The following TMEM167A variants were observed in gnomAD, a reference collection of about 807,000 sequenced individuals.
TMEM167A encodes protein kish-A.
TMEM167A carries 8 observed loss-of-function variants against 11.6 expected under a neutral mutation model. That is an observed-to-expected ratio of 0.69 (90% CI 0.40 to 1.24). TMEM167A has a LOEUF of 1.24. Ranked by LOEUF, TMEM167A falls within the 50% of genes most tolerant of loss-of-function variation. The pLI, the probability that TMEM167A is intolerant of heterozygous loss-of-function variation, is 0.01. For synonymous variants in TMEM167A, 22 were observed against 28.0 expected (o/e 0.79, Z 0.67); for missense variants, 62 against 87.0 (o/e 0.71, Z 1.14).
chr5:83,062,558 T>C (rs760978045), intron 2 of TMEM167A, among the ~76,000 whole-genome samples: 7 of 152,092 alleles, frequency 4.6e-5, no homozygotes, highest in Non-Finnish European at 1.0e-4. Context: ...AATGGAGATA[T>C]ATATTTCAAC....
rs1296242654 is a variant in TMEM167A at position 83,055,954 on chromosome 5, G to T, written c.*1130C>A. The T allele has an allele frequency of 6.6e-6, 1 of 151,834 alleles. No individual in the cohort carries two copies. The highest frequency in any genetic ancestry group is 1.5e-5 in the Non-Finnish European group (1 of 67,892). The allele number at this position is 151,834 out of a possible 1,614,324, so 9.4% of individuals were successfully genotyped here. A position where few individuals can be genotyped will look rare whatever the true frequency, so the allele number is the denominator to read the frequency against. On this transcript the variant is annotated 3_prime_UTR_variant, in exon 4 of 4. Coordinates refer to ENST00000502346, the MANE Select transcript of TMEM167A (RefSeq NM_174909.5). ...GCTCTGAAATTTTAACTGAATTTTA[G>T]TTGAACCTTAAGAAATGTTAACCAT...
intron 1 of TMEM167A, among the ~76,000 whole-genome samples, chr5:83,068,093 A>C (rs1041084937): frequency 5.3e-5 from 8 of 151,968 alleles, no homozygotes; most frequent in African/African-American, 1.9e-4. Flanking sequence ...GGTATCTCAC[A>C]ATGCTTATCT....
chr5:83,057,856 G>C (rs1221094202), intron 3 of TMEM167A, among the ~76,000 whole-genome samples: 1 of 152,012 alleles, frequency 6.6e-6, no homozygotes, highest in African/African-American at 2.4e-5. Context: ...AAACTGGCTT[G>C]TGAATTGTCT....
At chr5:83,061,939 T>A in intron 2 of TMEM167A, 28 bp from the exon 3 acceptor site, 1 of 1,581,914 alleles carries the variant, frequency 6.3e-7, no homozygotes, top group Non-Finnish European at 8.7e-7. Context: ...AGAAAAAAAG[T>A]AGCTATTGAT....
intron 1 of TMEM167A, among the ~76,000 whole-genome samples, 166 bp downstream of exon 1, chr5:83,077,155 C>G (rs1036849144): frequency 6.6e-6 from 1 of 152,218 alleles, no homozygotes; most frequent in East Asian, 1.9e-4. Flanking sequence ...CTTCCTCGGA[C>G]AGTCCGTCCT....
At position 83,074,237 on chromosome 5, in the gene TMEM167A, C is replaced by A. The variant is rs1026540506; in HGVS notation, c.3+3084G>T. Among the ~76,000 whole-genome samples the A allele has an allele frequency of 7.9e-5, 12 of 152,294 alleles. No homozygotes were observed. In the Middle Eastern group the frequency reaches 0.01, roughly 130 times the overall value. Reference sequence around the variant, plus strand: ...CTCCATGCAACTATTGAACTTCATGCCTTTTGTTCCCATAACTGCCATTTC... The same window carrying A: ...CTCCATGCAACTATTGAACTTCATGACTTTTGTTCCCATAACTGCCATTTC... On this transcript the variant is annotated intron_variant, in intron 1 of 3. Coordinates refer to ENST00000502346, the MANE Select transcript of TMEM167A (RefSeq NM_174909.5).
At chr5:83,057,252 C>A in intron 3 of TMEM167A, 98 bp from the exon 4 acceptor site, 1 of 1,161,348 alleles carries the variant, frequency 8.6e-7, no homozygotes, top group Non-Finnish European at 1.3e-6. Flanking sequence ...ACATTCTTCC[C>A]TAGGAGGCCC....
chr5:83,055,271 C>T lies in TMEM167A; in HGVS notation c.*1813G>A, dbSNP rs990767368. The T allele has an allele frequency of 2.0e-5, 3 of 151,998 alleles. No individual in the cohort carries two copies. Among genetic ancestry groups the T allele is most frequent in the Non-Finnish European group, 4.4e-5 (3 of 67,938 alleles). The allele number at this position is 151,998 out of a possible 1,614,324, so 9.4% of individuals were successfully genotyped here. On this transcript the variant is annotated 3_prime_UTR_variant, in exon 4 of 4. Coordinates refer to ENST00000502346, the MANE Select transcript of TMEM167A (RefSeq NM_174909.5). ...TTAGAATATCTAGAATATTCTTCCT[C>T]TTTTCATATTCGATTTGTCTTAGCA...
At chr5:83,077,078 A>AT (rs919669248) in intron 1 of TMEM167A, among the ~76,000 whole-genome samples, 25 of 151,598 alleles carry the variant, frequency 1.6e-4, no homozygotes, top group Admixed American at 7.9e-4. Context: ...ACACCAACGC[A>AT]TTTTTTTTTC....
chr5:83,076,422 C>G (rs1021657749), intron 1 of TMEM167A, among the ~76,000 whole-genome samples: 3 of 152,192 alleles, frequency 2.0e-5, no homozygotes, highest in African/African-American at 4.8e-5. Flanking sequence ...ACTTGCACTA[C>G]GAGTAGAAGA....
intron 1 of TMEM167A, 91 bp from the exon 2 acceptor site, chr5:83,065,208 T>C: frequency 1.2e-6 from 1 of 801,330 alleles, no homozygotes; most frequent in Non-Finnish European, 2.0e-6. Flanking sequence ...AGTCATGTTT[T>C]TATTTCTTCA....
At chr5:83,057,271 G>T (rs111955686) in intron 3 of TMEM167A, 117 bp from the exon 4 acceptor site, 150 of 848,228 alleles carry the variant, frequency 1.8e-4, no homozygotes, top group Non-Finnish European at 6.5e-5. Flanking sequence ...CCGCACATTG[G>T]GGGTGGGGCA....
intron 2 of TMEM167A, 103 bp downstream of exon 2, chr5:83,064,905 C>A (rs888029897): frequency 1.4e-5 from 10 of 689,938 alleles, no homozygotes; most frequent in African/African-American, 7.7e-5. Context: ...ATTATAAAAC[C>A]AAATTACATG....
chr5:83,066,496 A>C (rs1328621997), intron 1 of TMEM167A, among the ~76,000 whole-genome samples: 2 of 152,230 alleles, frequency 1.3e-5, no homozygotes, highest in Non-Finnish European at 2.9e-5. Context: ...ATCATTCAGG[A>C]GAAAGACAAT....
At position 83,077,307 on chromosome 5, in the gene TMEM167A, GC is replaced by G. The variant is rs1465156958; in HGVS notation, c.3+13del. 3 of 1,614,196 alleles carry G rather than the reference GC, an allele frequency of 1.9e-6. No individual in the cohort carries two copies. The highest frequency in any genetic ancestry group is 2.7e-5 in the African/African-American group (2 of 75,056). On this transcript the variant is annotated intron_variant, in intron 1 of 3. Transcript: ENST00000502346. ...CTCGAAGATCAACCGCGACCTGGGA[GC>G]CCCACTTCTTACCATAGCGAGGCCG...
chr5:83,054,488 A>C lies in TMEM167A; in HGVS notation c.*2596T>G, dbSNP rs1744300795. 1 of 152,086 alleles carries C rather than the reference A, an allele frequency of 6.6e-6. No homozygotes were observed. Among genetic ancestry groups the C allele is most frequent in the Admixed American group, 6.6e-5 (1 of 15,238 alleles). 9.4% of individuals were successfully genotyped at this position (152,086 alleles called of 1,614,324 possible). On this transcript the variant is annotated 3_prime_UTR_variant, in exon 4 of 4. Coordinates refer to ENST00000502346, the MANE Select transcript of TMEM167A (RefSeq NM_174909.5). ...CTGAACTTAGCAAGCTGAGGACTTC[A>C]GTGTCCATCATCCGATCCTGCCCTG...
At chr5:83,070,686 A>C (rs1223860448) in intron 1 of TMEM167A, among the ~76,000 whole-genome samples, 1 of 152,172 alleles carries the variant, frequency 6.6e-6, no homozygotes, top group Non-Finnish European at 1.5e-5. Flanking sequence ...CAAACCTCTA[A>C]AAAATGTTCT....
intron 2 of TMEM167A, among the ~76,000 whole-genome samples, chr5:83,063,841 G>A (rs1362337441): frequency 6.6e-6 from 1 of 152,020 alleles, no homozygotes; most frequent in East Asian, 1.9e-4. Context: ...AGACCATGTA[G>A]TAATCTTTTT....
intron 1 of TMEM167A, among the ~76,000 whole-genome samples, chr5:83,065,517 T>C (rs1323044923): frequency 2.0e-5 from 3 of 152,168 alleles, no homozygotes; most frequent in Admixed American, 6.5e-5. Flanking sequence ...ACTTTCACTG[T>C]TGGATTTTTA....
Sources: allele counts gnomAD v4.1 joint callset (sites outside exome capture counted in the v4.1 genomes callset), GRCh38; gene constraint gnomAD v4.1.1; transcripts MANE v1.5; gene names NCBI Gene and HGNC (gene_info 2026-07-23, HGNC 2026-07-21).